ZNF133: variants seen among roughly 807,000 people sequenced by gnomAD.
ZNF133 encodes the protein zinc finger protein 133 (clone pHZ-13).
Under a neutral mutation model 54.9 loss-of-function variants are expected in ZNF133, and 26 were observed. That is an observed-to-expected ratio of 0.47 (90% CI 0.35 to 0.66). The LOEUF is 0.66. Ranked by LOEUF, ZNF133 falls within the 30% of genes least tolerant of loss-of-function variation. The pLI, the probability that ZNF133 is intolerant of heterozygous loss-of-function variation, is 0.01. For synonymous variants in ZNF133, 298 were observed against 320.3 expected (o/e 0.93, Z 0.74); for missense variants, 653 against 820.8 (o/e 0.80, Z 2.50).
At chr20:18,302,998 G>T (rs982327453) in intron 3 of ZNF133, among the ~76,000 whole-genome samples, 9 of 150,722 alleles carry the variant, frequency 6.0e-5, no homozygotes, top group Non-Finnish European at 1.2e-4. Flanking sequence ...ACTGCTGAAA[G>T]AAAGATGTAA....
chr20:18,312,012 G>T (rs2038232), intron 6 of ZNF133, among the ~76,000 whole-genome samples: 52,032 of 151,770 alleles, frequency 0.34, 10,632 homozygotes, highest in African/African-American at 0.56. Flanking sequence ...GGTTTGTTTG[G>T]TTGGTTGGTT....
chr20:18,298,361 C>T lies in ZNF133; in HGVS notation c.-281C>T. The T allele has an allele frequency of 1.6e-6, 2 of 1,254,740 alleles. No individual in the cohort carries two copies. The highest frequency in any genetic ancestry group is 3.7e-5 in the Admixed American group (1 of 26,774). 77.7% of individuals were successfully genotyped at this position (1,254,740 alleles called of 1,614,324 possible). ...GAAGATTCTGGAATCTGTGTCCCCA[C>T]CTAGACAACGATTATACTGGCAGGA... is the stretch of plus-strand genomic sequence containing the variant. On this transcript the variant is annotated 5_prime_UTR_variant, in exon 3 of 7. Coordinates refer to ENST00000425686, the MANE Select transcript of ZNF133 (RefSeq NM_001352452.2).
At chr20:18,309,441 A>G (rs1318898392) in intron 6 of ZNF133, among the ~76,000 whole-genome samples, 1 of 152,248 alleles carries the variant, frequency 6.6e-6, no homozygotes, top group Non-Finnish European at 1.5e-5. Flanking sequence ...AGCCCCAAAT[A>G]AGGTCAGGAA....
chr20:18,303,606 A>G (rs1459286975), intron 3 of ZNF133, among the ~76,000 whole-genome samples: 1 of 152,198 alleles, frequency 6.6e-6, no homozygotes, highest in African/African-American at 2.4e-5. Context: ...TTACAGACTA[A>G]TAGAACAGAA....
intron 3 of ZNF133, among the ~76,000 whole-genome samples, chr20:18,300,859 G>T (rs2043218847): frequency 6.6e-6 from 1 of 151,986 alleles, no homozygotes; most frequent in Admixed American, 6.5e-5. Flanking sequence ...ATAATAATTG[G>T]AGATTTCAGT....
chr20:18,297,806 T>C (rs1437989464), intron 1 of ZNF133, among the ~76,000 whole-genome samples, 179 bp from the exon 2 acceptor site: 7 of 152,174 alleles, frequency 4.6e-5, no homozygotes. Context: ...CCTGGATTAC[T>C]CTCTCTTGCT....
At chr20:18,306,709 A>G (rs1356514702) in intron 6 of ZNF133, 2 of 1,351,474 alleles carry the variant, frequency 1.5e-6, no homozygotes, top group African/African-American at 3.0e-5. Context: ...TAAAAAGATC[A>G]TCAAGAATAT....
At chr20:18,294,217 AT>A (rs2146942182) in intron 1 of ZNF133, among the ~76,000 whole-genome samples, 1 of 152,356 alleles carries the variant, frequency 6.6e-6, no homozygotes, top group East Asian at 1.9e-4. Flanking sequence ...AGGACACAGC[AT>A]CACATCTGAG....
chr20:18,299,016 A>G (rs531905005), intron 3 of ZNF133, among the ~76,000 whole-genome samples: 1 of 152,314 alleles, frequency 6.6e-6, no homozygotes, highest in African/African-American at 2.4e-5. Flanking sequence ...TTGCTGCTTT[A>G]TAAGATTTAA....
chr20:18,297,885 C>T lies in ZNF133; in HGVS notation c.-431-100C>T, dbSNP rs1290879004. On this transcript the variant is annotated intron_variant, in intron 1 of 6. Transcript: ENST00000425686. ...TTGCTTTATACTTTCCCCATTATGC[C>T]ACTGCGCCCCCAGTTGTGGGGTTAA... 3 of 699,496 alleles carry T rather than the reference C, an allele frequency of 4.3e-6. No individual in the cohort carries two copies. In the Admixed American group the frequency reaches 8.0e-5, roughly 19 times the overall value. 43.3% of individuals were successfully genotyped at this position (699,496 alleles called of 1,614,324 possible).
At chr20:18,307,165 TA>T (rs1365316088) in intron 6 of ZNF133, among the ~76,000 whole-genome samples, 1 of 152,226 alleles carries the variant, frequency 6.6e-6, no homozygotes, top group African/African-American at 2.4e-5. Flanking sequence ...TTCTACAATG[TA>T]TTTTTTTAAT....
At chr20:18,299,381 A>G (rs1243760719) in intron 3 of ZNF133, among the ~76,000 whole-genome samples, 1 of 152,222 alleles carries the variant, frequency 6.6e-6, no homozygotes, top group Non-Finnish European at 1.5e-5. Context: ...AGATAGGACA[A>G]TTATCAAGTC....
rs757197768 is a variant in ZNF133 at position 18,316,076 on chromosome 20, C to T, written c.1225C>T (p.Pro409Ser). 7.4e-6 allele frequency: 12 copies of T among 1,613,530 alleles called. No individual in the cohort carries two copies. The highest frequency in any genetic ancestry group is 1.0e-5 in the Non-Finnish European group (12 of 1,179,802). Residue 409 changes from proline to serine, a missense_variant, in exon 7 of 7, where the codon CCC becomes TCC. Around this residue, in one of 4 missense-constraint regions of ZNF133, gnomAD observed 292 missense variants for 431.6 expected, o/e 0.68. Coordinates refer to ENST00000425686, the MANE Select transcript of ZNF133 (RefSeq NM_001352452.2). ...CCAGAGGACACACTCAAAGGAGAAG[C>T]CCTATGTGTGCGGGGTGTGTGGGCA... ...NHQRTHSKEK[P>S]YVCGVCGHSF... is the part of the protein sequence containing the mutation.
chr20:18,305,050 T>C lies in ZNF133; in HGVS notation c.-135T>C. On this transcript the variant is annotated 5_prime_UTR_variant, in exon 4 of 7. Coordinates refer to ENST00000425686, the MANE Select transcript of ZNF133 (RefSeq NM_001352452.2). This position sits in a 1 kb window ranked among gnomAD's most constrained non-coding sequence, Gnocchi z 4.7. ...AGTAGTGCTAAGAAAATTAAAAGAATAAAACTGGGCAGGGGCATGAGAATA... is the reference window on the plus strand; with the variant it reads ...AGTAGTGCTAAGAAAATTAAAAGAACAAAACTGGGCAGGGGCATGAGAATA... The C allele has an allele frequency of 2.0e-6, 2 of 985,388 alleles. No individual in the cohort carries two copies. Among genetic ancestry groups the C allele is most frequent in the Non-Finnish European group, 2.4e-6 (2 of 829,964 alleles). The allele number at this position is 985,388 out of a possible 1,614,324, so 61.0% of individuals were successfully genotyped here. A position where few individuals can be genotyped will look rare whatever the true frequency, so the allele number is the denominator to read the frequency against.
chr20:18,293,485 T>C (rs1252677705), intron 1 of ZNF133, among the ~76,000 whole-genome samples: 1 of 152,208 alleles, frequency 6.6e-6, no homozygotes, highest in Non-Finnish European at 1.5e-5. Flanking sequence ...TGTCTGGCCT[T>C]CTTAGGACTT....
intron 1 of ZNF133, among the ~76,000 whole-genome samples, chr20:18,293,806 T>G (rs1416629291): frequency 6.6e-6 from 1 of 152,080 alleles, no homozygotes; most frequent in Non-Finnish European, 1.5e-5. Context: ...TATTGTATTA[T>G]AACCCATAGG....
At chr20:18,303,164 A>G (rs898777433) in intron 3 of ZNF133, among the ~76,000 whole-genome samples, 4 of 151,650 alleles carry the variant, frequency 2.6e-5, no homozygotes, top group African/African-American at 9.7e-5. Context: ...CTCCTGCCTC[A>G]GCCTTCCAAG....
At chr20:18,303,783 A>G (rs1167404727) in intron 3 of ZNF133, among the ~76,000 whole-genome samples, 3 of 152,232 alleles carry the variant, frequency 2.0e-5, no homozygotes, top group Non-Finnish European at 4.4e-5. Context: ...CCATATACGC[A>G]AATTAACTGA....
Position 18,316,588 on chromosome 20 carries a change from G to A in ZNF133, c.1737G>A (p.Val579=). The A allele has an allele frequency of 6.2e-7, 1 of 1,614,108 alleles. No individual in the cohort carries two copies. The highest frequency in any genetic ancestry group is 1.6e-4 in the Middle Eastern group (1 of 6,062). Residue 579 remains valine, a synonymous_variant, in exon 7 of 7, where the codon GTG becomes GTA. Coordinates refer to ENST00000425686, the MANE Select transcript of ZNF133 (RefSeq NM_001352452.2). ...KRAHSEEKPC[V]CRECGQGFLQ... ...CTCACTCGGAAGAGAAGCCTTGTGT[G>A]TGCAGAGAGTGTGGCCAAGGCTTTC...
Sources: allele counts gnomAD v4.1 joint callset (sites outside exome capture counted in the v4.1 genomes callset), GRCh38; gene constraint gnomAD v4.1.1; regional missense constraint gnomAD v4.1.1; non-coding constraint Gnocchi (gnomAD v3.1); transcripts MANE v1.5; gene names NCBI Gene and HGNC (gene_info 2026-07-23, HGNC 2026-07-21).